CHD6: variants seen among roughly 807,000 people sequenced by gnomAD.
CHD6 encodes the protein ATP-dependent chromatin remodeler CHD6.
Under a neutral mutation model 276.9 loss-of-function variants are expected in CHD6, and 50 were observed. The observed-to-expected ratio is 0.18, with a 90% confidence interval of 0.14 to 0.23. CHD6 has a LOEUF of 0.23. Among genes scored for constraint, CHD6 ranks in the 10% least tolerant of loss-of-function variants. The probability of loss-of-function intolerance (pLI) is 1.00; values close to 1 mark genes in which losing one functional copy is unlikely to be tolerated. For missense variants in CHD6, 2,564 were observed against 3,365.8 expected (o/e 0.76, Z 5.89); for synonymous variants, 1,173 against 1,229.3 (o/e 0.95, Z 0.96).
At chr20:41,436,380 A>G (rs2047710152) in intron 27 of CHD6, among the ~76,000 whole-genome samples, 2 of 152,236 alleles carry the variant, frequency 1.3e-5, no homozygotes, top group South Asian at 4.1e-4. Context: ...TGGATGGAGA[A>G]TACAGAGAAA....
At chr20:41,407,920 G>A (rs1366403641) in intron 36 of CHD6, among the ~76,000 whole-genome samples, 1 of 152,158 alleles carries the variant, frequency 6.6e-6, no homozygotes, top group Non-Finnish European at 1.5e-5. Context: ...CAGCCCTGTG[G>A]AGTCAGTACT....
At chr20:41,538,075 G>C (rs923246495) in intron 2 of CHD6, among the ~76,000 whole-genome samples, 1 of 152,210 alleles carries the variant, frequency 6.6e-6, no homozygotes, top group African/African-American at 2.4e-5. Flanking sequence ...AGTGGGGCTG[G>C]GTGCAGTGGC....
At chr20:41,609,920 G>A (rs1314589276) in intron 1 of CHD6, among the ~76,000 whole-genome samples, 1 of 144,534 alleles carries the variant, frequency 6.9e-6, no homozygotes, top group Non-Finnish European at 1.5e-5. Flanking sequence ...GCAGTGGCAC[G>A]ACCTTGGCTC....
In CHD6 at chr20:41,602,737, G is replaced by A. The variant is rs560057901; in HGVS notation, c.-24+15603C>T. On this transcript the variant is annotated intron_variant, in intron 1 of 36. Coordinates refer to ENST00000373233, the MANE Select transcript of CHD6 (RefSeq NM_032221.5). ...TCAGTAAAACTTTTTTTGGAGACAG[G>A]GTCTCATTCTGTTGCTCAAGCTGAA... is the stretch of plus-strand genomic sequence containing the variant. Among the ~76,000 whole-genome samples the A allele has an allele frequency of 3.9e-5, 6 of 152,064 alleles. No individual in the cohort carries two copies. The South Asian group carries it at 1.0e-3, about 26-fold the overall frequency.
chr20:41,594,711 A>C (rs935939486), intron 1 of CHD6, among the ~76,000 whole-genome samples: 1 of 152,116 alleles, frequency 6.6e-6, no homozygotes, highest in Admixed American at 6.6e-5. Context: ...CAAATCTCTG[A>C]CTCTGTAAAC....
Position 41,421,736 on chromosome 20 carries a change from G to A in CHD6, c.4899C>T (p.Tyr1633=), listed in dbSNP as rs1257185856. 2 of 1,614,070 alleles carry A rather than the reference G, an allele frequency of 1.2e-6. No individual in the cohort carries two copies. The highest frequency in any genetic ancestry group is 1.3e-5 in the African/African-American group (1 of 74,910). ...TQAPGNLCCL[Y]QTNSKLYESL... is the part of the protein sequence containing the mutation. The stretch of plus-strand genomic sequence containing the variant: ...ATTCATATAACTTGGAGTTGGTCTG[G>A]TAAAGGCAACAGAGATTTCCTGGTG... Residue 1633 remains tyrosine (Y), a synonymous_variant, in exon 31 of 37, where the codon TAC becomes TAT. Coordinates refer to ENST00000373233, the MANE Select transcript of CHD6 (RefSeq NM_032221.5).
intron 11 of CHD6, among the ~76,000 whole-genome samples, chr20:41,490,626 A>G (rs1171917103): frequency 6.6e-6 from 1 of 152,160 alleles, no homozygotes; most frequent in Non-Finnish European, 1.5e-5. Flanking sequence ...GAACCTGGCC[A>G]ACATGGTGAA....
At chr20:41,540,598 A>C (rs2044921955) in intron 2 of CHD6, among the ~76,000 whole-genome samples, 1 of 152,212 alleles carries the variant, frequency 6.6e-6, no homozygotes, top group East Asian at 1.9e-4. Flanking sequence ...GGTGCAGGAC[A>C]AAGTGTGCAC....
At chr20:41,493,719 G>A in intron 9 of CHD6, 47 bp from the exon 10 acceptor site, 1 of 1,606,274 alleles carries the variant, frequency 6.2e-7, no homozygotes, top group Non-Finnish European at 8.5e-7. Context: ...TAGGTTAAAG[G>A]AGTCAGTAGT....
At chr20:41,556,616 T>C (rs1281911961) in intron 1 of CHD6, among the ~76,000 whole-genome samples, 3 of 152,180 alleles carry the variant, frequency 2.0e-5, no homozygotes, top group Non-Finnish European at 4.4e-5. Context: ...ATGATGGCGA[T>C]GTTACTGTAG....
intron 1 of CHD6, among the ~76,000 whole-genome samples, chr20:41,557,183 G>A (rs543998594): frequency 1.3e-5 from 2 of 152,342 alleles, no homozygotes; most frequent in East Asian, 3.9e-4. Context: ...CTGAACTGGG[G>A]AAACTGGTGG....
At chr20:41,549,382 C>T (rs575699821) in intron 2 of CHD6, among the ~76,000 whole-genome samples, 11 of 149,366 alleles carry the variant, frequency 7.4e-5, no homozygotes, top group Non-Finnish European at 1.6e-4. Flanking sequence ...TCTCAGCAAA[C>T]TATCACAAGG....
At chr20:41,544,715 T>C (rs2045007518) in intron 2 of CHD6, among the ~76,000 whole-genome samples, 1 of 150,310 alleles carries the variant, frequency 6.7e-6, no homozygotes, top group Non-Finnish European at 1.5e-5. Flanking sequence ...ACTAAAATAT[T>C]ACACAGTAAT....
intron 1 of CHD6, among the ~76,000 whole-genome samples, chr20:41,569,898 T>C (rs1337712262): frequency 1.3e-5 from 2 of 152,180 alleles, no homozygotes; most frequent in Non-Finnish European, 2.9e-5. Context: ...AATTTTGGCA[T>C]GGGATGGGTG....
intron 1 of CHD6, among the ~76,000 whole-genome samples, chr20:41,608,989 T>G (rs1192157540): frequency 1.3e-5 from 2 of 152,220 alleles, no homozygotes; most frequent in African/African-American, 2.4e-5. Flanking sequence ...CACAATATTT[T>G]AGTAACATCT....
At chr20:41,426,746 T>A (rs1201040797) in intron 27 of CHD6, among the ~76,000 whole-genome samples, 1 of 152,202 alleles carries the variant, frequency 6.6e-6, no homozygotes, top group Non-Finnish European at 1.5e-5. Context: ...AGCACTGAGC[T>A]TGCCCAAGTC....
chr20:41,544,497 T>C (rs187913286), intron 2 of CHD6, among the ~76,000 whole-genome samples: 169 of 152,260 alleles, frequency 1.1e-3, no homozygotes, highest in African/African-American at 3.9e-3. Context: ...TCTTTATGCA[T>C]AGGATTTTAA....
At chr20:41,534,549 G>A (rs1438481965) in intron 2 of CHD6, among the ~76,000 whole-genome samples, 3 of 137,070 alleles carry the variant, frequency 2.2e-5, no homozygotes, top group African/African-American at 8.1e-5. Flanking sequence ...AATCCCAGGA[G>A]AAAAAGATGA....
intron 1 of CHD6, among the ~76,000 whole-genome samples, chr20:41,562,860 T>G (rs766342902): frequency 4.4e-4 from 67 of 152,262 alleles, no homozygotes; most frequent in Non-Finnish European, 7.5e-4. Context: ...GAGAAAGATC[T>G]TACACACAGC....
Sources: allele counts gnomAD v4.1 joint callset (sites outside exome capture counted in the v4.1 genomes callset), GRCh38; gene constraint gnomAD v4.1.1; transcripts MANE v1.5; gene names NCBI Gene and HGNC (gene_info 2026-07-23, HGNC 2026-07-21).